Variants in CLECL1 observed in about 807,000 individuals in gnomAD.
The protein encoded by CLECL1 is C-type lectin-like domain family 1.
At chr12:9,709,622 G>A in the CLECL1 span, among the ~76,000 whole-genome samples, 2 of 152,218 alleles carry the variant, frequency 1.3e-5, no homozygotes, top group African/African-American at 4.8e-5. Flanking sequence ...GCAAGCAGCA[G>A]AGAGATTTAG....
chr12:9,722,692 A>G lies in CLECL1; in HGVS notation n.384T>C, dbSNP rs773150511. On this transcript the variant is annotated non_coding_transcript_exon_variant, in exon 4 of 4. Coordinates refer to ENST00000621400, the Ensembl canonical transcript of CLECL1. ...CCATGAGATATGAATTGTTTATGGC[A>G]CAGTCATTTTGACTTTTGTTCCAAG... The G allele has an allele frequency of 5.8e-5, 94 of 1,613,940 alleles. 1 individual carries two copies. The South Asian group carries it at 9.9e-4, about 17-fold the overall frequency.
At chr12:9,720,699 G>A (rs1293282096), downstream of CLECL1, among the ~76,000 whole-genome samples, 1 of 152,118 alleles carries the variant, frequency 6.6e-6, no homozygotes, top group African/African-American at 2.4e-5. Context: ...TGGACATGAA[G>A]AATTTCTGCT....
chr12:9,718,806 A>T (rs192418649), downstream of CLECL1: 43 of 692,982 alleles, frequency 6.2e-5, no homozygotes, highest in East Asian at 1.2e-3. Flanking sequence ...CTCAGAAGAA[A>T]CCAAACCTGC....
At chr12:9,732,699 G>A (rs1866461369) in intron 1 of CLECL1, among the ~76,000 whole-genome samples, 2 of 152,166 alleles carry the variant, frequency 1.3e-5, no homozygotes, top group Non-Finnish European at 1.5e-5. Context: ...CATTCATCAC[G>A]AGAAATCAAG....
At chr12:9,727,461 T>A (rs1303987161) in intron 3 of CLECL1, among the ~76,000 whole-genome samples, 2 of 151,814 alleles carry the variant, frequency 1.3e-5, no homozygotes, top group East Asian at 3.8e-4. Context: ...CATCTGTCTA[T>A]TGTGATAGAG....
chr12:9,717,002 A>G (rs1866245875), intron 2 of CLECL1, among the ~76,000 whole-genome samples: 2 of 152,220 alleles, frequency 1.3e-5, no homozygotes, highest in Non-Finnish European at 2.9e-5. Context: ...TTGGTGAACC[A>G]TTAGCAGCAT....
intron 1 of CLECL1, among the ~76,000 whole-genome samples, chr12:9,731,004 A>G (rs1209717902): frequency 6.6e-6 from 1 of 152,192 alleles, no homozygotes; most frequent in Non-Finnish European, 1.5e-5. Context: ...TGTTACTAAT[A>G]TGACGAACTG....
intron 3 of CLECL1, among the ~76,000 whole-genome samples, chr12:9,725,422 A>G (rs1866367337): frequency 1.3e-5 from 2 of 152,242 alleles, no homozygotes; most frequent in South Asian, 4.1e-4. Flanking sequence ...CGAAAGATAG[A>G]GCAACTATGT....
the CLECL1 span, among the ~76,000 whole-genome samples, chr12:9,704,979 A>G: frequency 6.6e-6 from 1 of 152,232 alleles, no homozygotes; most frequent in Non-Finnish European, 1.5e-5. Context: ...TCTTTGAGAA[A>G]TTGCCATACT....
intron 2 of CLECL1, among the ~76,000 whole-genome samples, chr12:9,728,736 C>A (rs1866411057): frequency 6.6e-6 from 1 of 151,854 alleles, no homozygotes; most frequent in South Asian, 2.1e-4. Context: ...CATTTTATAG[C>A]CCTAATTATG....
chr12:9,717,335 A>G (rs10772072), intron 2 of CLECL1, among the ~76,000 whole-genome samples: 44,072 of 151,880 alleles, frequency 0.29, 6,841 homozygotes, highest in South Asian at 0.46. Flanking sequence ...AGTCCAGGCA[A>G]TTATGTCAGA....
downstream of CLECL1, chr12:9,722,593 A>C: frequency 1.3e-6 from 2 of 1,542,738 alleles, no homozygotes; most frequent in Non-Finnish European, 1.7e-6. Context: ...TAGCACAAAA[A>C]ATTCACTGCC....
At chr12:9,710,095 A>C in the CLECL1 span, among the ~76,000 whole-genome samples, 1 of 152,228 alleles carries the variant, frequency 6.6e-6, no homozygotes, top group Non-Finnish European at 1.5e-5. Flanking sequence ...CTTTCAACAG[A>C]GTGAAACAAC....
chr12:9,715,370 C>T (rs2080206), downstream of CLECL1, among the ~76,000 whole-genome samples: 54,840 of 152,054 alleles, frequency 0.36, 11,848 homozygotes, highest in East Asian at 0.58. Context: ...ACTTAGAGAA[C>T]GACTAGTTCT....
downstream of CLECL1, chr12:9,718,511 G>T: frequency 3.8e-6 from 1 of 264,676 alleles, no homozygotes; most frequent in South Asian, 1.1e-4. Context: ...TGGGCTGTGG[G>T]GCCCAGAGAG....
At chr12:9,729,466 ATTTTACAC>A (rs1366295449) in intron 2 of CLECL1, among the ~76,000 whole-genome samples, 2 of 152,162 alleles carry the variant, frequency 1.3e-5, no homozygotes, top group African/African-American at 4.8e-5. Flanking sequence ...TGTGTATCAA[ATTTTACAC>A]TTTTTGTGAA....
chr12:9,713,139 G>A (rs1406152509), downstream of CLECL1, among the ~76,000 whole-genome samples: 1 of 152,204 alleles, frequency 6.6e-6, no homozygotes, highest in South Asian at 2.1e-4. Flanking sequence ...ACATGATAGG[G>A]ACTGCATGCA....
At chr12:9,725,758 T>C (rs1291802737) in intron 3 of CLECL1, among the ~76,000 whole-genome samples, 2 of 152,102 alleles carry the variant, frequency 1.3e-5, no homozygotes, top group Non-Finnish European at 2.9e-5. Context: ...ATAATTAGGT[T>C]AAACATATTG....
downstream of CLECL1, among the ~76,000 whole-genome samples, chr12:9,713,897 C>T (rs1421386307): frequency 6.6e-6 from 1 of 152,230 alleles, no homozygotes; most frequent in Non-Finnish European, 1.5e-5. Context: ...CCGTGCCACA[C>T]TTGCACGGGT....
Sources: gnomAD v4.1 joint callset for allele counts (sites outside exome capture counted in the v4.1 genomes callset) on GRCh38, gnomAD v4.1.1 for gene constraint, MANE v1.5 for transcripts, NCBI Gene and HGNC (gene_info 2026-07-23, HGNC 2026-07-21) for gene names.